The following NELL2 variants were observed in gnomAD, a reference collection of about 807,000 sequenced individuals.
The protein encoded by NELL2 is neural EGFL like 2, also known as protein kinase C-binding protein NELL2.
Under a neutral mutation model 109.6 loss-of-function variants are expected in NELL2, and 41 were observed. That is an observed-to-expected ratio of 0.37 (90% confidence interval 0.29 to 0.49). NELL2 has a LOEUF of 0.49. Ranked by LOEUF, NELL2 falls within the 20% of genes least tolerant of loss-of-function variation. The pLI is 0.98. For synonymous variants in NELL2, 355 were observed against 344.7 expected, an observed-to-expected ratio of 1.03 and a Z score of -0.33; for missense variants, 900 against 1,008.3, an observed-to-expected ratio of 0.89 and a Z score of 1.45.
At chr12:44,852,504 T>C (rs1188050308) in intron 2 of NELL2, among the ~76,000 whole-genome samples, 1 of 152,194 alleles carries the variant, frequency 6.6e-6, no homozygotes, top group Non-Finnish European at 1.5e-5. Context: ...CTTTTCTTCA[T>C]GAGACAGCTA....
At chr12:44,538,020 T>C (rs2139023040) in intron 15 of NELL2, among the ~76,000 whole-genome samples, 1 of 152,320 alleles carries the variant, frequency 6.6e-6, no homozygotes, top group South Asian at 2.1e-4. Context: ...AATTAGGAAG[T>C]TAATGACTGG....
intron 16 of NELL2, among the ~76,000 whole-genome samples, chr12:44,528,154 G>A (rs1359177123): frequency 6.3e-5 from 9 of 142,712 alleles, no homozygotes; most frequent in African/African-American, 2.3e-4. Flanking sequence ...GTTGTACTCT[G>A]ACAGAGTAGT....
At chr12:44,558,330 C>T (rs1298198435) in intron 15 of NELL2, among the ~76,000 whole-genome samples, 1 of 152,138 alleles carries the variant, frequency 6.6e-6, no homozygotes, top group African/African-American at 2.4e-5. Flanking sequence ...CAAGACAAAA[C>T]AAGATAGAAG....
intron 18 of NELL2, among the ~76,000 whole-genome samples, chr12:44,521,529 C>CAAAAAAAAAAAAAAAAAAAAAAAA (rs56713964): frequency 1.8e-5 from 2 of 111,442 alleles, no homozygotes; most frequent in South Asian, 2.9e-4. Flanking sequence ...GACTCCGTCT[C>CAAAAAAAAAAAAAAAAAAAAAAAA]AAAAAAAAAA....
intron 2 of NELL2, among the ~76,000 whole-genome samples, chr12:44,832,393 T>TCACTG (rs1429701686): frequency 3.9e-5 from 6 of 152,396 alleles, no homozygotes; most frequent in African/African-American, 1.4e-4. Flanking sequence ...CTAGTTTTCA[T>TCACTG]CACTGGTGTT....
rs948841050 is a variant in NELL2, at chr12:44,681,398, ATTTAT to A, written c.1319-15794_1319-15790del. ...GCATAACCCTTTTTTATTTATTTTT[ATTTAT>A]TTTATTTTATTTTATTTATTATTAT... On this transcript the variant is annotated intron_variant, in intron 12 of 19. Coordinates refer to ENST00000429094, the MANE Select transcript of NELL2 (RefSeq NM_001145108.2). Among the ~76,000 whole-genome samples the A allele has an allele frequency of 1.8e-4, 27 of 148,108 alleles. No homozygotes were observed. In the East Asian group the frequency reaches 3.2e-3, roughly 17 times the overall value.
chr12:44,618,157 C>T lies in NELL2; in HGVS notation c.1445-7187G>A, dbSNP rs1945909174. On this transcript the variant is annotated intron_variant, in intron 13 of 19. Transcript: ENST00000429094. ...ACTAAAGTGACTGCCAGAAGTCATA[C>T]TGTAAACTTATTTGATGCCCATATC... 2.0e-5 allele frequency among the ~76,000 whole-genome samples: 3 copies of T among 152,286 alleles called. No homozygotes were observed. In the South Asian group the frequency reaches 6.2e-4, roughly 32 times the overall value.
At chr12:44,912,695 A>C (rs963064053) in intron 1 of NELL2, among the ~76,000 whole-genome samples, 2 of 152,192 alleles carry the variant, frequency 1.3e-5, no homozygotes, top group African/African-American at 4.8e-5. Context: ...CTAATAGTGC[A>C]TAAAAGTCCA....
Position 44,538,629 on chromosome 12 carries a change from G to A in NELL2, c.1664-5908C>T, listed in dbSNP as rs374972656. Among the ~76,000 whole-genome samples, 3 of 152,314 alleles carry A rather than the reference G, an allele frequency of 2.0e-5. No individual in the cohort carries two copies. The South Asian group carries it at 6.2e-4, about 32-fold the overall frequency. ...CTATGTGTCAAGCCGGTAGGACTGG[G>A]TAAGACTAGAGGCCATCTCACCAGC... On this transcript the variant is annotated intron_variant, in intron 15 of 19. Transcript: ENST00000429094.
chr12:44,765,031 T>C (rs1941274430), intron 9 of NELL2, among the ~76,000 whole-genome samples: 1 of 152,124 alleles, frequency 6.6e-6, no homozygotes, highest in South Asian at 2.1e-4. Context: ...GATTCTTATT[T>C]TAACACAATC....
upstream of NELL2, among the ~76,000 whole-genome samples, chr12:44,914,355 C>T (rs1945810412): frequency 6.6e-6 from 1 of 152,186 alleles, no homozygotes; most frequent in Admixed American, 6.5e-5. Context: ...CAGACCTTTA[C>T]AGTTGCTGTT....
chr12:44,768,025 C>G (rs1941403553), intron 9 of NELL2, among the ~76,000 whole-genome samples: 1 of 152,168 alleles, frequency 6.6e-6, no homozygotes, highest in East Asian at 1.9e-4. Flanking sequence ...GACTAGCATA[C>G]AGGACACAGC....
At position 44,870,901 on chromosome 12, in the gene NELL2, G is replaced by A. The variant is rs1046194000; in HGVS notation, c.184+4324C>T. 5.6e-4 allele frequency among the ~76,000 whole-genome samples: 85 copies of A among 152,120 alleles called. 1 individual carries two copies. The highest frequency in any genetic ancestry group is 3.1e-4 in the Non-Finnish European group (21 of 68,012). On this transcript the variant is annotated intron_variant, in intron 2 of 19. Transcript: ENST00000429094. ...CAAGAATTAAGACATGAACATCTATGCAGGACCATTATTCTGCCCACCATA... is the reference window on the plus strand; with the variant it reads ...CAAGAATTAAGACATGAACATCTATACAGGACCATTATTCTGCCCACCATA...
At chr12:44,854,859 T>C (rs549378062) in intron 2 of NELL2, among the ~76,000 whole-genome samples, 2 of 152,232 alleles carry the variant, frequency 1.3e-5, no homozygotes, top group South Asian at 2.1e-4. Context: ...AAAATGACTA[T>C]TCCCAACTTT....
intron 2 of NELL2, among the ~76,000 whole-genome samples, chr12:44,860,713 TTTAAGTCAGTCGA>T (rs1944815143): frequency 6.8e-6 from 1 of 146,208 alleles, no homozygotes; most frequent in Non-Finnish European, 1.5e-5. Flanking sequence ...TAATCTTATT[TTTAAGTCAGTCGA>T]TTAACAACCT....
intron 15 of NELL2, among the ~76,000 whole-genome samples, chr12:44,590,531 T>G (rs1944706356): frequency 6.6e-6 from 1 of 152,210 alleles, no homozygotes; most frequent in African/African-American, 2.4e-5. Context: ...GTTATTTCGT[T>G]TATCTAGATG....
At chr12:44,889,936 T>C (rs921522320) in intron 1 of NELL2, among the ~76,000 whole-genome samples, 7 of 152,202 alleles carry the variant, frequency 4.6e-5, no homozygotes, top group African/African-American at 1.7e-4. Context: ...ATCTTCTTTT[T>C]GATGAACATG....
intron 15 of NELL2, among the ~76,000 whole-genome samples, chr12:44,596,965 T>C (rs946466269): frequency 2.0e-5 from 3 of 152,226 alleles, no homozygotes; most frequent in South Asian, 2.1e-4. Flanking sequence ...CAAACAACTA[T>C]AGCAAGAAGA....
chr12:44,681,316 A>T (rs181298202), intron 12 of NELL2, among the ~76,000 whole-genome samples: 1 of 150,350 alleles, frequency 6.7e-6, no homozygotes, highest in South Asian at 2.1e-4. Context: ...ATACGTTTTA[A>T]TCATGAGCAG....
Sources: allele counts gnomAD v4.1 joint callset (sites outside exome capture counted in the v4.1 genomes callset), GRCh38; gene constraint gnomAD v4.1.1; transcripts MANE v1.5; gene names NCBI Gene and HGNC (gene_info 2026-07-23, HGNC 2026-07-21).